Variants in NR1H4 observed in about 807,000 individuals in gnomAD.
NR1H4 encodes bile acid receptor.
NR1H4 carries 23 observed loss-of-function variants against 58.5 expected under a neutral mutation model. The ratio of observed to expected loss-of-function variants is 0.39; its 90% CI spans 0.28 to 0.56. The LOEUF (loss-of-function observed/expected upper bound fraction) is 0.56. Ranked by LOEUF, NR1H4 falls within the 20% of genes least tolerant of loss-of-function variation. NR1H4 has a pLI of 0.58. For missense variants in NR1H4, 487 were observed against 576.9 expected (o/e 0.84, Z 1.60); for synonymous variants, 214 against 198.0 (o/e 1.08, Z -0.68).
Position 100,493,286 on chromosome 12 carries a change from C to A in NR1H4, c.-38C>A. 9.8e-7 allele frequency: 1 copy of A among 1,018,000 alleles called. No homozygotes were observed. Among genetic ancestry groups the A allele is most frequent in the Non-Finnish European group, 1.5e-6 (1 of 651,128 alleles). The allele number at this position is 1,018,000 out of a possible 1,614,324, so 63.1% of individuals were successfully genotyped here. A position where few individuals can be genotyped will look rare whatever the true frequency, so the allele number is the denominator to read the frequency against. On this transcript the variant is annotated 5_prime_UTR_variant, in exon 3 of 11. Transcript: ENST00000392986. ...TCCTTTCAGGAGTTTTTTTTGAAGACCACCATAAAGAAAGTGCATTTCAAT... is the reference window on the plus strand; with the variant it reads ...TCCTTTCAGGAGTTTTTTTTGAAGAACACCATAAAGAAAGTGCATTTCAAT...
At chr12:100,535,241 C>T (rs1285432582) in intron 6 of NR1H4, among the ~76,000 whole-genome samples, 2 of 152,216 alleles carry the variant, frequency 1.3e-5, no homozygotes, top group Non-Finnish European at 2.9e-5. Context: ...CTCTCTGACT[C>T]CATTCCAGTC....
chr12:100,542,388 A>G (rs1466879759), intron 9 of NR1H4, among the ~76,000 whole-genome samples: 1 of 152,166 alleles, frequency 6.6e-6, no homozygotes, highest in African/African-American at 2.4e-5. Flanking sequence ...ATGCTATAGT[A>G]CCTCTCAAGA....
chr12:100,507,010 T>A (rs2136142756), intron 3 of NR1H4, among the ~76,000 whole-genome samples: 1 of 152,318 alleles, frequency 6.6e-6, no homozygotes, highest in East Asian at 1.9e-4. Context: ...AAATAATTGT[T>A]TTGTTGAAAT....
At chr12:100,555,735 A>C (rs1955308199) in intron 9 of NR1H4, among the ~76,000 whole-genome samples, 2 of 152,198 alleles carry the variant, frequency 1.3e-5, no homozygotes, top group African/African-American at 4.8e-5. Context: ...CAGATGAGAA[A>C]ATGAAGTCTT....
chr12:100,488,766 G>A (rs1439775105), intron 1 of NR1H4, among the ~76,000 whole-genome samples: 7 of 152,078 alleles, frequency 4.6e-5, no homozygotes, highest in Admixed American at 2.6e-4. Flanking sequence ...AGATTTAATC[G>A]AATTATTTAA....
intron 5 of NR1H4, 61 bp from the exon 6 acceptor site, chr12:100,534,829 T>C: frequency 2.5e-6 from 4 of 1,602,038 alleles, no homozygotes; most frequent in Non-Finnish European, 3.4e-6. Context: ...AGTGGTTTTA[T>C]GACCACACAC....
At chr12:100,503,515 G>T (rs1359332083) in intron 3 of NR1H4, 1 of 1,568,400 alleles carries the variant, frequency 6.4e-7, no homozygotes, top group South Asian at 1.2e-5. Flanking sequence ...CTGTTCACAG[G>T]TGCTTTCAGG....
intron 4 of NR1H4, among the ~76,000 whole-genome samples, chr12:100,527,402 G>A (rs946531210): frequency 1.8e-4 from 28 of 152,142 alleles, no homozygotes; most frequent in Middle Eastern, 6.8e-3. Context: ...GCATGGTGGG[G>A]TACACCCATA....
intron 4 of NR1H4, among the ~76,000 whole-genome samples, chr12:100,515,640 T>A (rs973106847): frequency 6.6e-6 from 1 of 152,166 alleles, no homozygotes; most frequent in African/African-American, 2.4e-5. Context: ...AAAAATAAAT[T>A]TAATATGTGT....
At position 100,532,597 on chromosome 12, in the gene NR1H4, A is replaced by G. The variant is rs1954720833; in HGVS notation, c.585A>G (p.Glu195=). The change falls in exon 5 of 11, where the codon GAA becomes GAG. Residue 195 remains glutamate, a synonymous_variant. Coordinates refer to ENST00000392986, the MANE Select transcript of NR1H4 (RefSeq NM_001206979.2). ...RKCKEMGMLA[E]CMYTGLLTEI... ...GCAAAGAGATGGGAATGTTGGCTGA[A>G]TGTATGTATACAGGTATTCACTTCA... The G allele has an allele frequency of 6.2e-7, 1 of 1,614,112 alleles. No individual in the cohort carries two copies. The highest frequency in any genetic ancestry group is 8.5e-7 in the Non-Finnish European group (1 of 1,179,952).
In NR1H4 at chr12:100,510,811, G is replaced by A; in HGVS notation, c.113G>A (p.Gly38Glu). The A allele has an allele frequency of 6.2e-7, 1 of 1,613,958 alleles. No individual in the cohort carries two copies. Among genetic ancestry groups the A allele is most frequent in the Non-Finnish European group, 8.5e-7 (1 of 1,179,982 alleles). The change falls in exon 4 of 11, where the codon GGA becomes GAA. Residue 38 changes from glycine (G) to glutamate (E), a missense_variant. Physicochemically the swap from Gly to Glu is moderately conservative, Grantham distance 98. Transcript: ENST00000392986. ...ACAGAACAAGTGGCAGGTCCTCTGG[G>A]ACAGAACCTGGAAGTGGAACCATAC... ...VLTEQVAGPL[G>E]QNLEVEPYSQ...
In NR1H4 at chr12:100,561,887, A is replaced by G; in HGVS notation, c.1081A>G (p.Ile361Val). The G allele has an allele frequency of 8.3e-7, 1 of 1,207,150 alleles. No individual in the cohort carries two copies. The highest frequency in any genetic ancestry group is 1.2e-6 in the Non-Finnish European group (1 of 809,226). The allele number at this position is 1,207,150 out of a possible 1,614,324, so 74.8% of individuals were successfully genotyped here. ...LLEERIRNSG[I>V]SDEYITPMFS... Reference sequence around the variant, plus strand: ...ATGATTGCAACTTTCCCCCACAGGTATCTCTGATGAATATATAACACCTAT... The same window carrying G: ...ATGATTGCAACTTTCCCCCACAGGTGTCTCTGATGAATATATAACACCTAT... The change falls in exon 10 of 11, where the codon ATC becomes GTC. Residue 361 changes from isoleucine (I) to valine (V), a missense_variant and splice_region_variant. Coordinates refer to ENST00000392986, the MANE Select transcript of NR1H4 (RefSeq NM_001206979.2).
intron 9 of NR1H4, among the ~76,000 whole-genome samples, chr12:100,542,411 G>A (rs539626444): frequency 2.2e-4 from 33 of 152,272 alleles, no homozygotes; most frequent in African/African-American, 7.7e-4. Context: ...CGAGATAATA[G>A]CACAAGTTAC....
intron 4 of NR1H4, among the ~76,000 whole-genome samples, chr12:100,529,880 A>ATT (rs1954650987): frequency 6.6e-6 from 1 of 152,178 alleles, no homozygotes; most frequent in African/African-American, 2.4e-5. Context: ...CTGCTGGAAA[A>ATT]TTGTCATAAG....
At position 100,556,422 on chromosome 12, in the gene NR1H4, G is replaced by A. The variant is rs115877154; in HGVS notation, c.1079-5463G>A. Among the ~76,000 whole-genome samples the A allele has an allele frequency of 6.1e-3, 910 of 149,636 alleles. 14 individuals carry two copies. The highest frequency in any genetic ancestry group is 0.02 in the African/African-American group (838 of 40,892). On this transcript the variant is annotated intron_variant, in intron 9 of 10. Transcript: ENST00000392986. ...GCGGAGTTTGCGGTGAGCCTAGACC[G>A]TGCCATTGCTCTCCAGCCTGGGCAA...
intron 9 of NR1H4, among the ~76,000 whole-genome samples, chr12:100,553,842 G>A (rs1185649794): frequency 1.3e-5 from 2 of 152,178 alleles, no homozygotes; most frequent in African/African-American, 4.8e-5. Context: ...ACTGGTCAAA[G>A]GAAAAAGAAA....
intron 9 of NR1H4, among the ~76,000 whole-genome samples, chr12:100,549,901 C>G (rs893741197): frequency 6.6e-6 from 1 of 152,156 alleles, no homozygotes. Flanking sequence ...GCAAGATGAC[C>G]TTTCAGACTA....
intron 3 of NR1H4, among the ~76,000 whole-genome samples, chr12:100,494,495 G>A (rs1489535085): frequency 6.6e-6 from 1 of 152,174 alleles, no homozygotes; most frequent in African/African-American, 2.4e-5. Context: ...AAGAAAAAGA[G>A]GTTTATGGAA....
rs139157644 is a variant in NR1H4 at position 100,522,323 on chromosome 12, T to C, written c.446-10135T>C. Among the ~76,000 whole-genome samples, 64 of 152,294 alleles carry C rather than the reference T, an allele frequency of 4.2e-4. No individual in the cohort carries two copies. The East Asian group carries it at 0.01, about 25-fold the overall frequency. On this transcript the variant is annotated intron_variant, in intron 4 of 10. Coordinates refer to ENST00000392986, the MANE Select transcript of NR1H4 (RefSeq NM_001206979.2). ...CTGGGAGGCTTTATATGTACTAATT[T>C]GTTTAATCTTCAGGACAGTCTTTTG...
Sources: gnomAD v4.1 joint callset for allele counts (sites outside exome capture counted in the v4.1 genomes callset) on GRCh38, gnomAD v4.1.1 for gene constraint, MANE v1.5 for transcripts, NCBI Gene and HGNC (gene_info 2026-07-23, HGNC 2026-07-21) for gene names.